Variants in MGAT4C observed in about 807,000 individuals in gnomAD.
MGAT4C encodes alpha-1,3-mannosyl-glycoprotein 4-beta-N-acetylglucosaminyltransferase C.
In MGAT4C, 19 loss-of-function variants were observed where a neutral mutation model predicts 40.1. The observed-to-expected ratio is 0.47, with a 90% CI of 0.33 to 0.70. The LOEUF is 0.70. MGAT4C is among the 30% of genes least tolerant of loss of function. The pLI, the probability that MGAT4C is intolerant of heterozygous loss-of-function variation, is 0.02. For synonymous variants in MGAT4C, 181 were observed against 187.1 expected, an observed-to-expected ratio of 0.97 and a Z score of 0.27; for missense variants, 491 against 563.2, an observed-to-expected ratio of 0.87 and a Z score of 1.30.
At chr12:86,380,535 A>C (rs1955908900) in intron 3 of MGAT4C, among the ~76,000 whole-genome samples, 1 of 152,172 alleles carries the variant, frequency 6.6e-6, no homozygotes, top group Non-Finnish European at 1.5e-5. Context: ...AAGGACATAG[A>C]TTGTTTCTGT....
rs779294242 is a variant in MGAT4C, at chr12:85,979,485, C to G, written c.1241G>C (p.Gly414Ala). The part of the protein sequence containing the change: ...DILHHGALDV[G>A]ENVMPSKQRR... ...TTGTTTGCTAGGCATAACGTTTTCC[C>G]CAACATCTAGGGCTCCATGATGCAA... The change falls in exon 5 of 5, where the codon GGG (glycine) becomes GCG (alanine). Residue 414 changes from glycine (G) to alanine (A), a missense_variant. Coordinates refer to ENST00000611864, the MANE Select transcript of MGAT4C (RefSeq NM_001351288.2). The G allele has an allele frequency of 6.2e-7, 1 of 1,613,288 alleles. No homozygotes were observed. The highest frequency in any genetic ancestry group is 1.1e-5 in the South Asian group (1 of 91,054).
intron 2 of MGAT4C, among the ~76,000 whole-genome samples, chr12:86,701,127 C>T (rs988311087): frequency 2.6e-5 from 4 of 152,000 alleles, no homozygotes; most frequent in Admixed American, 1.3e-4. Flanking sequence ...ATATTAAATG[C>T]TTTAAAATAC....
intron 3 of MGAT4C, among the ~76,000 whole-genome samples, chr12:86,346,222 TTTTG>T (rs1370570188): frequency 6.6e-6 from 1 of 152,002 alleles, no homozygotes; most frequent in African/African-American, 2.4e-5. Context: ...GTTTTTTTGT[TTTTG>T]TTTTTGTTTT....
chr12:86,622,986 A>G (rs1962686525), intron 2 of MGAT4C, among the ~76,000 whole-genome samples: 1 of 152,172 alleles, frequency 6.6e-6, no homozygotes, highest in African/African-American at 2.4e-5. Flanking sequence ...ACAATGTCTC[A>G]AGTGAAAACT....
At chr12:86,611,267 C>T (rs1457892652) in intron 2 of MGAT4C, among the ~76,000 whole-genome samples, 1 of 151,926 alleles carries the variant, frequency 6.6e-6, no homozygotes, top group Non-Finnish European at 1.5e-5. Flanking sequence ...ATTTTGTGCA[C>T]CTTCCCTGAA....
At chr12:86,325,283 G>C (rs1196738172) in intron 4 of MGAT4C, among the ~76,000 whole-genome samples, 1 of 152,062 alleles carries the variant, frequency 6.6e-6, no homozygotes, top group Non-Finnish European at 1.5e-5. Flanking sequence ...TATTTTTCCA[G>C]ATTTTTCCAC....
intron 4 of MGAT4C, among the ~76,000 whole-genome samples, chr12:86,278,678 G>A (rs1333181074): frequency 6.6e-6 from 1 of 151,852 alleles, no homozygotes. Flanking sequence ...TTTCCAATTT[G>A]ATGCAATTTT....
At chr12:86,461,388 G>T (rs929369178) in intron 2 of MGAT4C, among the ~76,000 whole-genome samples, 2 of 151,904 alleles carry the variant, frequency 1.3e-5, no homozygotes, top group Admixed American at 6.6e-5. Context: ...TGGGACTACA[G>T]GCGCCCGCCA....
At chr12:86,411,630 G>A (rs980554421) in intron 3 of MGAT4C, among the ~76,000 whole-genome samples, 2 of 152,158 alleles carry the variant, frequency 1.3e-5, no homozygotes, top group Non-Finnish European at 2.9e-5. Flanking sequence ...ATTTAAAAGG[G>A]AAGCAGACTA....
chr12:86,207,272 T>C (rs1195243039), intron 1 of MGAT4C, among the ~76,000 whole-genome samples: 1 of 152,078 alleles, frequency 6.6e-6, no homozygotes, highest in African/African-American at 2.4e-5. Context: ...ACACTCTGCT[T>C]TTTCTTTTTT....
intron 2 of MGAT4C, among the ~76,000 whole-genome samples, chr12:86,026,365 A>G (rs1890244666): frequency 6.6e-6 from 1 of 151,538 alleles, no homozygotes; most frequent in South Asian, 2.1e-4. Context: ...AATACTAAAC[A>G]CACACACACC....
intron 2 of MGAT4C, among the ~76,000 whole-genome samples, chr12:86,650,098 A>G (rs1963654625): frequency 1.3e-5 from 2 of 151,874 alleles, no homozygotes; most frequent in Non-Finnish European, 2.9e-5. Flanking sequence ...ATGGCATTCT[A>G]TATTTTACAA....
intron 3 of MGAT4C, among the ~76,000 whole-genome samples, chr12:86,398,360 C>T (rs1956296028): frequency 6.6e-6 from 1 of 152,262 alleles, no homozygotes; most frequent in Middle Eastern, 3.4e-3. Flanking sequence ...GATAATCTGT[C>T]CATCTCAACA....
At chr12:86,797,048 A>C (rs887305163) in intron 1 of MGAT4C, among the ~76,000 whole-genome samples, 3 of 151,900 alleles carry the variant, frequency 2.0e-5, no homozygotes, top group African/African-American at 7.2e-5. Context: ...ATCCAGAATG[A>C]GTATGATTAT....
upstream of MGAT4C, among the ~76,000 whole-genome samples, chr12:86,256,788 T>C (rs1038603687): frequency 1.3e-5 from 2 of 152,172 alleles, no homozygotes; most frequent in African/African-American, 2.4e-5. Context: ...GTAATTACTT[T>C]GCATTGATTT....
At position 86,320,913 on chromosome 12, in the gene MGAT4C, T is replaced by C. The variant is rs758690598; in HGVS notation, c.-57+13152A>G. Among the ~76,000 whole-genome samples the C allele has an allele frequency of 2.6e-5, 4 of 152,152 alleles. No homozygotes were observed. In the East Asian group the frequency reaches 7.7e-4, roughly 29 times the overall value. The stretch of plus-strand genomic sequence containing the variant: ...ATCGTTACCACATCATTTTTCTTAA[T>C]GGATCAAAATCTACCAACTATATAA... On this transcript the variant is annotated intron_variant, in intron 4 of 7. Transcript: ENST00000548651.
intron 4 of MGAT4C, among the ~76,000 whole-genome samples, chr12:86,325,269 T>C (rs181989152): frequency 6.6e-6 from 1 of 152,312 alleles, no homozygotes; most frequent in Non-Finnish European, 1.5e-5. Flanking sequence ...TAAACATGTA[T>C]TGATATTTTT....
intron 2 of MGAT4C, among the ~76,000 whole-genome samples, chr12:86,468,880 T>A (rs553359479): frequency 6.6e-6 from 1 of 152,278 alleles, no homozygotes; most frequent in African/African-American, 2.4e-5. Context: ...GTAAATTACA[T>A]TTTTAACACC....
intron 2 of MGAT4C, among the ~76,000 whole-genome samples, chr12:86,476,831 G>T (rs2136308842): frequency 6.6e-6 from 1 of 152,230 alleles, no homozygotes; most frequent in Admixed American, 6.5e-5. Flanking sequence ...GCAGGAACAA[G>T]AAAGAAATAT....
Sources: allele counts gnomAD v4.1 joint callset (sites outside exome capture counted in the v4.1 genomes callset), GRCh38; gene constraint gnomAD v4.1.1; transcripts MANE v1.5; gene names NCBI Gene and HGNC (gene_info 2026-07-23, HGNC 2026-07-21).